Variants in AKT1 observed in about 807,000 individuals in gnomAD.
AKT1 encodes the protein AKT serine/threonine kinase 1.
In AKT1, 21 loss-of-function variants were observed where a neutral mutation model predicts 63.1. That is an observed-to-expected ratio of 0.33 (90% CI 0.24 to 0.48). AKT1 has a LOEUF of 0.48. Ranked by LOEUF, AKT1 falls within the 20% of genes least tolerant of loss-of-function variation. The pLI is 0.99. For synonymous variants in AKT1, 257 were observed against 253.1 expected, an observed-to-expected ratio of 1.02 and a Z score of -0.15; for missense variants, 382 against 666.0, an observed-to-expected ratio of 0.57 and a Z score of 4.69.
At position 104,770,031 on chromosome 14, in the gene AKT1, C is replaced by T; in HGVS notation, c.*310G>A. 4.1e-6 allele frequency: 2 copies of T among 484,842 alleles called. No individual in the cohort carries two copies. Among genetic ancestry groups the T allele is most frequent in the Non-Finnish European group, 7.5e-6 (2 of 266,072 alleles). 30.0% of individuals were successfully genotyped at this position (484,842 alleles called of 1,614,324 possible). A position where few individuals can be genotyped will look rare whatever the true frequency, so the allele number is the denominator to read the frequency against. On this transcript the variant is annotated 3_prime_UTR_variant, in exon 15 of 15. Coordinates refer to ENST00000649815, the MANE Select transcript of AKT1 (RefSeq NM_001382430.1). ...GCAGGACCTGCCCGGCCCCCCAATG[C>T]CACATTGCGCATAGCTGCAGAAGTC...
Position 104,776,775 on chromosome 14 carries a change from G to T in AKT1, c.176-5C>A, listed in dbSNP as rs377076374. On this transcript the variant is annotated splice_region_variant and splice_polypyrimidine_tract_variant and intron_variant, in intron 4 of 14. Transcript: ENST00000649815. Reference sequence around the variant, plus strand: ...CCGTCTTCATCAGCTGGCACTCTGCGGGCAGGCAGAGCCTCTGTCTGCGTG... The same window carrying T: ...CCGTCTTCATCAGCTGGCACTCTGCTGGCAGGCAGAGCCTCTGTCTGCGTG... 1.6e-5 allele frequency: 25 copies of T among 1,611,306 alleles called. No homozygotes were observed. The highest frequency in any genetic ancestry group is 5.0e-5 in the Admixed American group (3 of 59,934).
At position 104,769,636 on chromosome 14, in the gene AKT1, AGAAGGG is replaced by A. The variant is rs1892267363; in HGVS notation, c.*699_*704del. 1 of 514,364 alleles carries A rather than the reference AGAAGGG, an allele frequency of 1.9e-6. No homozygotes were observed. The highest frequency in any genetic ancestry group is 1.9e-5 in the African/African-American group (1 of 52,404). 31.9% of individuals were successfully genotyped at this position (514,364 alleles called of 1,614,324 possible). Reference sequence around the variant, plus strand: ...GGACAGTCACCAAGAACTGTGACACAGAAGGGGAAGGGGGAGGGCTTTCCTGTCACA... The same window carrying A: ...GGACAGTCACCAAGAACTGTGACACAGAAGGGGGAGGGCTTTCCTGTCACA... On this transcript the variant is annotated 3_prime_UTR_variant, in exon 15 of 15. Transcript: ENST00000649815.
chr14:104,776,840 G>A (rs1051869096), intron 4 of AKT1, 70 bp from the exon 5 acceptor site: 14 of 1,333,458 alleles, frequency 1.0e-5, no homozygotes, highest in African/African-American at 5.8e-5. Context: ...CACAGCCCCC[G>A]CTGCACCAGC....
chr14:104,771,850 C>A (rs1421588312), intron 13 of AKT1: 4 of 241,112 alleles, frequency 1.7e-5, no homozygotes, highest in Non-Finnish European at 3.3e-5. Context: ...GCGACTCATG[C>A]AGAAAGAGCT....
At chr14:104,792,981 A>C (rs963281085) in intron 2 of AKT1, 146 bp downstream of exon 2, 7 of 475,648 alleles carry the variant, frequency 1.5e-5, no homozygotes, top group Admixed American at 3.4e-5. Context: ...TCCTTATTCT[A>C]GGCTTAGAGC....
intron 3 of AKT1, among the ~76,000 whole-genome samples, chr14:104,792,381 G>A (rs1033890937): frequency 6.6e-6 from 1 of 152,056 alleles, no homozygotes; most frequent in African/African-American, 2.4e-5. Flanking sequence ...CACTCAGATG[G>A]CCGGCCCTGC....
At chr14:104,776,925 C>T in intron 4 of AKT1, 155 bp from the exon 5 acceptor site, 1 of 622,332 alleles carries the variant, frequency 1.6e-6, no homozygotes, top group South Asian at 1.9e-5. Flanking sequence ...CAGTTTCTCG[C>T]CTCACAGAGT....
In AKT1 at chr14:104,769,846, G is replaced by A. The variant is rs2140885151; in HGVS notation, c.*495C>T. The stretch of plus-strand genomic sequence containing the variant: ...GGCCTTAGTGCTGGGGGGCTGCTGT[G>A]TGCCTGCCACCCCCAGGAGAGGGTG... On this transcript the variant is annotated 3_prime_UTR_variant, in exon 15 of 15. Coordinates refer to ENST00000649815, the MANE Select transcript of AKT1 (RefSeq NM_001382430.1). 2.6e-6 allele frequency: 1 copy of A among 386,518 alleles called. No homozygotes were observed. The highest frequency in any genetic ancestry group is 4.4e-5 in the Admixed American group (1 of 22,566). The allele number at this position is 386,518 out of a possible 1,614,324, so 23.9% of individuals were successfully genotyped here. A position where few individuals can be genotyped will look rare whatever the true frequency, so the allele number is the denominator to read the frequency against.
At chr14:104,790,386 G>A (rs1052555804) in intron 3 of AKT1, among the ~76,000 whole-genome samples, 1 of 146,118 alleles carries the variant, frequency 6.8e-6, no homozygotes, top group Non-Finnish European at 1.5e-5. Flanking sequence ...GCACTGTGAA[G>A]CACGGGTGGG....
intron 3 of AKT1, among the ~76,000 whole-genome samples, chr14:104,782,493 T>C (rs1043999113): frequency 6.6e-6 from 1 of 152,092 alleles, no homozygotes; most frequent in Non-Finnish European, 1.5e-5. Context: ...GTGAGCTGCA[T>C]CTGGGGGGTT....
At chr14:104,790,550 C>G (rs1385412493) in intron 3 of AKT1, among the ~76,000 whole-genome samples, 1 of 152,182 alleles carries the variant, frequency 6.6e-6, no homozygotes, top group Admixed American at 6.5e-5. Flanking sequence ...GCGGCAGGCC[C>G]CGGAGGACAG....
intron 4 of AKT1, chr14:104,777,730 G>GT: frequency 1.0e-6 from 1 of 985,674 alleles, no homozygotes; most frequent in Non-Finnish European, 1.2e-6. Context: ...CCAGTGGGGG[G>GT]CCTCTGACAT....
At chr14:104,791,867 C>A (rs1893646778) in intron 3 of AKT1, among the ~76,000 whole-genome samples, 1 of 152,222 alleles carries the variant, frequency 6.6e-6, no homozygotes, top group South Asian at 2.1e-4. Context: ...AGGACCTGGA[C>A]CTGAACAGGA....
rs768025881 is a variant in AKT1 at position 104,775,735 on chromosome 14, T to TCTC, written c.349_351dup (p.Glu117dup). 6 of 1,613,760 alleles carry TCTC rather than the reference T, an allele frequency of 3.7e-6. No homozygotes were observed. Among genetic ancestry groups the TCTC allele is most frequent in the Non-Finnish European group, 4.2e-6 (5 of 1,179,954 alleles). On this transcript the variant is annotated inframe_insertion, in exon 6 of 15. Transcript: ENST00000649815. ...CTGGGTGAGCCCGACCGGAAGTCCA[T>TCTC]CTCCTCCTCCTCCTGCTTCTTGAGG...
chr14:104,783,684 T>C lies in AKT1; in HGVS notation c.47-3468A>G, dbSNP rs867914055. Among the ~76,000 whole-genome samples the C allele has an allele frequency of 6.6e-5, 10 of 152,236 alleles. 1 individual carries two copies. In the Middle Eastern group the frequency reaches 0.017, roughly 259 times the overall value. On this transcript the variant is annotated intron_variant, in intron 3 of 14. Coordinates refer to ENST00000649815, the MANE Select transcript of AKT1 (RefSeq NM_001382430.1). Reference sequence around the variant, plus strand: ...CCCACACACAGCCAGAGTCATCTCCTGCCAGCAGCCACTCCCAAGGGCAAT... The same window carrying C: ...CCCACACACAGCCAGAGTCATCTCCCGCCAGCAGCCACTCCCAAGGGCAAT...
rs2140950071 is a variant in AKT1 at position 104,780,218 on chromosome 14, T to C, written c.47-2A>G. 6.2e-7 allele frequency: 1 copy of C among 1,612,896 alleles called. No homozygotes were observed. Among genetic ancestry groups the C allele is most frequent in the Non-Finnish European group, 8.5e-7 (1 of 1,179,644 alleles). On this transcript the variant is annotated splice_acceptor_variant, in intron 3 of 14. Transcript: ENST00000649815. LOFTEE classifies it high-confidence loss of function. Reference sequence around the variant, plus strand: ...GCCGCCAGGTCTTGATGTACTCCCCTACAGACGTGCGGGTGGTGAGAGCCA... The same window carrying C: ...GCCGCCAGGTCTTGATGTACTCCCCCACAGACGTGCGGGTGGTGAGAGCCA...
chr14:104,786,300 C>G (rs1355119606), intron 3 of AKT1: 1 of 152,330 alleles, frequency 6.6e-6, no homozygotes, highest in Non-Finnish European at 1.5e-5. Flanking sequence ...CCCTCGCTCC[C>G]TGCGTGGGAG....
In AKT1 at chr14:104,773,979, G is replaced by C. The variant is rs1163499100; in HGVS notation, c.635C>G (p.Ala212Gly). Residue 212 changes from alanine (A) to glycine (G), a missense_variant and splice_region_variant, in exon 9 of 15, where the codon GCC (alanine) becomes GGC (glycine). Coordinates refer to ENST00000649815, the MANE Select transcript of AKT1 (RefSeq NM_001382430.1). Reference protein sequence around the residue: ...LQNSRHPFLTALKYSFQTHDR... With the variant: ...LQNSRHPFLTGLKYSFQTHDR... ...GTGGGTCTGGAAAGAGTACTTCAGG[G>C]CCTGCAAGGAAGGGGAGCTGGAACT... 4 of 1,612,200 alleles carry C rather than the reference G, an allele frequency of 2.5e-6. No homozygotes were observed. In the South Asian group the frequency reaches 3.3e-5, roughly 13 times the overall value.
intron 1 of AKT1, 67 bp from the exon 2 acceptor site, chr14:104,793,371 G>A (rs1893724252): frequency 9.7e-6 from 2 of 206,558 alleles, no homozygotes; most frequent in Non-Finnish European, 2.0e-5. Flanking sequence ...GGCGCAAACG[G>A]GAGTCCAGAG....
Sources: gnomAD v4.1 joint callset for allele counts (sites outside exome capture counted in the v4.1 genomes callset) on GRCh38, gnomAD v4.1.1 for gene constraint, MANE v1.5 for transcripts, NCBI Gene and HGNC (gene_info 2026-07-23, HGNC 2026-07-21) for gene names.